The following DYNC2H1 variants were observed in gnomAD, a reference collection of about 807,000 sequenced individuals.
DYNC2H1 encodes the protein dynein cytoplasmic 2 heavy chain 1.
DYNC2H1 carries 410 observed loss-of-function variants against 570.0 expected under a neutral mutation model. That is an observed-to-expected ratio of 0.72 (90% CI 0.66 to 0.78). DYNC2H1 has a LOEUF of 0.78. DYNC2H1 is among the 30% of genes least tolerant of loss of function. The probability of loss-of-function intolerance (pLI) is 0.00; values close to 1 mark genes in which losing one functional copy is unlikely to be tolerated. For synonymous variants in DYNC2H1, 1,688 were observed against 1,677.6 expected, an observed-to-expected ratio of 1.01 and a Z score of -0.15; for missense variants, 4,865 against 5,046.4, an observed-to-expected ratio of 0.96 and a Z score of 1.09.
rs1234649311 is a variant in DYNC2H1 at position 103,125,186 on chromosome 11, T to G, written c.1748T>G (p.Leu583Arg). 1.9e-6 allele frequency: 3 copies of G among 1,613,710 alleles called. No individual in the cohort carries two copies. Among genetic ancestry groups the G allele is most frequent in the Non-Finnish European group, 2.5e-6 (3 of 1,179,756 alleles). Residue 583 changes from leucine (L) to arginine (R), a missense_variant, in exon 12 of 89, where the codon CTG becomes CGG. Around this residue, in one of 5 missense-constraint regions of DYNC2H1, gnomAD observed 1,936 missense variants for 1,962.1 expected, o/e 0.99. Coordinates refer to ENST00000375735, the MANE Select transcript of DYNC2H1 (RefSeq NM_001377.3). ...TATTCAGATCGTTTGGTGATTCTTC[T>G]GAGAGAAGTTCGTCAGCTCTCTGCA... ...VHYSDRLVIL[L>R]REVRQLSALG...
Position 103,299,032 on chromosome 11 carries a change from A to G in DYNC2H1, c.11096-4061A>G, listed in dbSNP as rs1370816551. Among the ~76,000 whole-genome samples the G allele has an allele frequency of 6.6e-6, 1 of 152,088 alleles. No individual in the cohort carries two copies. The highest frequency in any genetic ancestry group is 2.4e-5 in the African/African-American group (1 of 41,434). On this transcript the variant is annotated intron_variant, in intron 75 of 88. Coordinates refer to ENST00000375735, the MANE Select transcript of DYNC2H1 (RefSeq NM_001377.3). The surrounding 1 kb of genome is among the most constrained non-coding windows in gnomAD (Gnocchi z 4.5). ...AAGTATTCTTACTTCTGTAATTCTG[A>G]TATAATTTTGACTTAAAATGACTAT...
chr11:103,155,246 G>A (rs1377949981), intron 24 of DYNC2H1, 85 bp from the exon 25 acceptor site: 1 of 1,315,884 alleles, frequency 7.6e-7, no homozygotes, highest in Non-Finnish European at 1.0e-6. Flanking sequence ...TAACTAATAA[G>A]CATAAAAGTA....
chr11:103,385,331 A>G (rs1941827247), intron 83 of DYNC2H1, among the ~76,000 whole-genome samples: 1 of 151,968 alleles, frequency 6.6e-6, no homozygotes, highest in Non-Finnish European at 1.5e-5. Context: ...TCTGTTCATC[A>G]TGTGTCTTAT....
At chr11:103,373,703 A>T (rs1288401158) in intron 83 of DYNC2H1, among the ~76,000 whole-genome samples, 1 of 152,150 alleles carries the variant, frequency 6.6e-6, no homozygotes, top group Non-Finnish European at 1.5e-5. Context: ...TGTTAGGTCC[A>T]CTTGGTCTAT....
chr11:103,186,624 T>C lies in DYNC2H1; in HGVS notation c.6893+123T>C. 7.7e-7 allele frequency: 1 copy of C among 1,299,510 alleles called. No homozygotes were observed. Among genetic ancestry groups the C allele is most frequent in the African/African-American group, 1.5e-5 (1 of 66,966 alleles). 80.5% of individuals were successfully genotyped at this position (1,299,510 alleles called of 1,614,324 possible). ...CATTTACATTTTCATGGAAGATTCA[T>C]TTTATTTTCATTACTTATAAAAATA... On this transcript the variant is annotated intron_variant, in intron 42 of 88. Coordinates refer to ENST00000375735, the MANE Select transcript of DYNC2H1 (RefSeq NM_001377.3). The surrounding 1 kb of genome is among the most constrained non-coding windows in gnomAD (Gnocchi z 4.5).
chr11:103,233,888 C>T lies in DYNC2H1; in HGVS notation c.9441-146C>T, dbSNP rs376728480. ...TGTGTGTGTGTGTGTGGGTTTGTCT[C>T]TTCTATTAATGATACTTTGTATGCA... is the stretch of plus-strand genomic sequence containing the variant. On this transcript the variant is annotated intron_variant, in intron 60 of 88. Coordinates refer to ENST00000375735, the MANE Select transcript of DYNC2H1 (RefSeq NM_001377.3). 9,741 of 451,170 alleles carry T rather than the reference C, an allele frequency of 0.022. 626 individuals carry two copies. The highest frequency in any genetic ancestry group is 0.12 in the Admixed American group (2,839 of 22,816). 27.9% of individuals were successfully genotyped at this position (451,170 alleles called of 1,614,324 possible). A position where few individuals can be genotyped will look rare whatever the true frequency, so the allele number is the denominator to read the frequency against.
chr11:103,299,760 A>G lies in DYNC2H1; in HGVS notation c.11096-3333A>G, dbSNP rs1027392461. On this transcript the variant is annotated intron_variant, in intron 75 of 88. Transcript: ENST00000375735. This position sits in a 1 kb window ranked among gnomAD's most constrained non-coding sequence, Gnocchi z 4.5. ...CTTTTAGGTTCATGACCTTAGTTAC[A>G]TTTGCAAAGTCCCTTCACAGCAGTA... Among the ~76,000 whole-genome samples, 15 of 152,084 alleles carry G rather than the reference A, an allele frequency of 9.9e-5. No homozygotes were observed. The highest frequency in any genetic ancestry group is 1.5e-4 in the Non-Finnish European group (10 of 67,996).
intron 60 of DYNC2H1, among the ~76,000 whole-genome samples, chr11:103,231,961 C>A (rs1343220209): frequency 1.3e-5 from 2 of 151,732 alleles, no homozygotes; most frequent in Non-Finnish European, 2.9e-5. Context: ...AAAAATCAAA[C>A]CGAAAAGAAA....
intron 54 of DYNC2H1, among the ~76,000 whole-genome samples, chr11:103,214,332 A>G (rs1425908433): frequency 6.6e-6 from 1 of 151,746 alleles, no homozygotes. Flanking sequence ...AAATTTTTGG[A>G]TTTTTAAAAA....
chr11:103,167,921 CTT>C (rs1861398044), intron 31 of DYNC2H1, among the ~76,000 whole-genome samples: 1 of 152,134 alleles, frequency 6.6e-6, no homozygotes, highest in Non-Finnish European at 1.5e-5. Context: ...CAATTCCAGT[CTT>C]TGGTTTCTGA....
chr11:103,191,199 C>A (rs947579271), intron 45 of DYNC2H1, among the ~76,000 whole-genome samples: 1 of 151,438 alleles, frequency 6.6e-6, no homozygotes, highest in African/African-American at 2.4e-5. Flanking sequence ...GCCACCATGC[C>A]CAGCCAATTT....
chr11:103,234,254 T>A (rs1308236654), intron 61 of DYNC2H1, 94 bp downstream of exon 61: 1 of 1,391,040 alleles, frequency 7.2e-7, no homozygotes, highest in Non-Finnish European at 9.6e-7. Context: ...GAAAGATCCA[T>A]TAATTTGCAC....
At position 103,158,742 on chromosome 11, in the gene DYNC2H1, G is replaced by T; in HGVS notation, c.4193G>T (p.Arg1398Ile). ...VTTLTTHAGI[R>I]NSLLTILDQL... ...ACATTAACTACTCATGCTGGAATAAGAAATTCTCTACTAACAATACTTGAT... is the reference window on the plus strand; with the variant it reads ...ACATTAACTACTCATGCTGGAATAATAAATTCTCTACTAACAATACTTGAT... The change falls in exon 27 of 89, where the codon AGA (arginine) becomes ATA (isoleucine). Residue 1398 changes from arginine to isoleucine, a missense_variant. By Grantham distance (97) the Arg-to-Ile change is moderately conservative. Around this residue, in one of 5 missense-constraint regions of DYNC2H1, gnomAD observed 1,936 missense variants for 1,962.1 expected, o/e 0.99. Coordinates refer to ENST00000375735, the MANE Select transcript of DYNC2H1 (RefSeq NM_001377.3). The T allele has an allele frequency of 1.3e-6, 2 of 1,520,774 alleles. No homozygotes were observed. The highest frequency in any genetic ancestry group is 2.5e-5 in the South Asian group (2 of 79,812). 94.2% of individuals were successfully genotyped at this position (1,520,774 alleles called of 1,614,324 possible). A position where few individuals can be genotyped will look rare whatever the true frequency, so the allele number is the denominator to read the frequency against.
intron 84 of DYNC2H1, among the ~76,000 whole-genome samples, chr11:103,408,822 C>T (rs558895345): frequency 2.8e-4 from 43 of 151,978 alleles, no homozygotes; most frequent in Non-Finnish European, 5.0e-4. Flanking sequence ...TTAGGTTGTT[C>T]GGAGGTTAAA....
intron 81 of DYNC2H1, among the ~76,000 whole-genome samples, chr11:103,323,294 G>A (rs1356171066): frequency 2.6e-5 from 4 of 152,150 alleles, no homozygotes; most frequent in Non-Finnish European, 4.4e-5. Flanking sequence ...TCAATGTGTA[G>A]GGTAATTCTT....
chr11:103,268,820 T>C lies in DYNC2H1; in HGVS notation c.10695+8843T>C, dbSNP rs541067015. Among the ~76,000 whole-genome samples the C allele has an allele frequency of 6.6e-6, 1 of 152,076 alleles. No homozygotes were observed. The highest frequency in any genetic ancestry group is 2.1e-4 in the South Asian group (1 of 4,828). On this transcript the variant is annotated intron_variant, in intron 70 of 88. Transcript: ENST00000375735. The surrounding 1 kb of genome is among the most constrained non-coding windows in gnomAD (Gnocchi z 4.6). The stretch of plus-strand genomic sequence containing the variant: ...CTTTTCTTATTAGGAGTTAGTTGCT[T>C]GTTTCTAAGCTATGTGTCTTATCTC...
chr11:103,421,066 G>A (rs1943470238), intron 84 of DYNC2H1, among the ~76,000 whole-genome samples: 1 of 152,016 alleles, frequency 6.6e-6, no homozygotes, highest in South Asian at 2.1e-4. Context: ...GAAAAATGCA[G>A]GGGTTGCAAT....
intron 40 of DYNC2H1, among the ~76,000 whole-genome samples, chr11:103,182,700 T>G (rs1861902814): frequency 6.6e-6 from 1 of 151,908 alleles, no homozygotes; most frequent in African/African-American, 2.4e-5. Context: ...TTCTACATGT[T>G]TATGCCATTG....
chr11:103,433,072 C>T (rs923961633), intron 84 of DYNC2H1, among the ~76,000 whole-genome samples: 2 of 152,012 alleles, frequency 1.3e-5, no homozygotes, highest in African/African-American at 4.8e-5. Context: ...AGCTTTGTAT[C>T]TCCTTTATTG....
Sources: allele counts gnomAD v4.1 joint callset (sites outside exome capture counted in the v4.1 genomes callset), GRCh38; gene constraint gnomAD v4.1.1; regional missense constraint gnomAD v4.1.1; non-coding constraint Gnocchi (gnomAD v3.1); transcripts MANE v1.5; gene names NCBI Gene and HGNC (gene_info 2026-07-23, HGNC 2026-07-21).